Variants in SLC44A5 observed in about 807,000 individuals in gnomAD.
SLC44A5 encodes choline transporter-like protein 5.
In SLC44A5, 57 loss-of-function variants were observed where a neutral mutation model predicts 101.8. The ratio of observed to expected loss-of-function variants is 0.56; its 90% CI spans 0.45 to 0.70. SLC44A5 has a LOEUF of 0.70. SLC44A5 is among the 30% of genes least tolerant of loss of function. The pLI is 0.00. For missense variants in SLC44A5, 737 were observed against 853.1 expected, an observed-to-expected ratio of 0.86 and a Z score of 1.70; for synonymous variants, 281 against 290.9, an observed-to-expected ratio of 0.97 and a Z score of 0.35.
the SLC44A5 span, among the ~76,000 whole-genome samples, chr1:75,632,377 ACTT>A: frequency 6.9e-6 from 1 of 144,074 alleles, no homozygotes; most frequent in Non-Finnish European, 1.5e-5. Flanking sequence ...AGAAGGAGCT[ACTT>A]CTTTTTTTTT....
intron 5 of SLC44A5, among the ~76,000 whole-genome samples, chr1:75,296,786 C>T (rs1188517527): frequency 6.6e-6 from 1 of 152,102 alleles, no homozygotes; most frequent in African/African-American, 2.4e-5. Flanking sequence ...AGCCAGGATC[C>T]CACTTCCAGG....
intron 2 of SLC44A5, among the ~76,000 whole-genome samples, chr1:75,455,353 C>A (rs909349701): frequency 1.3e-5 from 2 of 152,076 alleles, no homozygotes; most frequent in Admixed American, 6.5e-5. Context: ...TCACCATAGA[C>A]AAAATTTAAC....
chr1:75,430,527 A>G (rs1307983273), intron 2 of SLC44A5, among the ~76,000 whole-genome samples: 1 of 152,200 alleles, frequency 6.6e-6, no homozygotes, highest in Non-Finnish European at 1.5e-5. Flanking sequence ...CTTACTGATC[A>G]CTGTTAGTGG....
chr1:75,565,979 TAAAAAAG>T (rs2102021611), intron 1 of SLC44A5, among the ~76,000 whole-genome samples: 1 of 152,230 alleles, frequency 6.6e-6, no homozygotes, highest in African/African-American at 2.4e-5. Context: ...ATTCAAATGT[TAAAAAAG>T]AAAAAGGAAA....
chr1:75,565,012 A>G (rs1179933525), intron 1 of SLC44A5, among the ~76,000 whole-genome samples: 1 of 152,178 alleles, frequency 6.6e-6, no homozygotes, highest in African/African-American at 2.4e-5. Flanking sequence ...TAGAATTTTA[A>G]TATCTGCAAA....
At chr1:75,305,420 G>A (rs191531712) in intron 4 of SLC44A5, among the ~76,000 whole-genome samples, 1 of 152,310 alleles carries the variant, frequency 6.6e-6, no homozygotes. Flanking sequence ...ACTGATATGT[G>A]ATGAGTCAGT....
chr1:75,272,515 T>C (rs1309564187), intron 6 of SLC44A5, among the ~76,000 whole-genome samples: 2 of 152,142 alleles, frequency 1.3e-5, no homozygotes, highest in Admixed American at 1.3e-4. Context: ...AGAAGTTTTA[T>C]GGTTTCAGGT....
intron 2 of SLC44A5, among the ~76,000 whole-genome samples, chr1:75,423,227 G>A (rs1475017647): frequency 6.6e-6 from 1 of 152,110 alleles, no homozygotes; most frequent in Non-Finnish European, 1.5e-5. Context: ...TACATACACC[G>A]TGAAACAACG....
the SLC44A5 span, among the ~76,000 whole-genome samples, chr1:75,665,686 G>A: frequency 2.0e-3 from 311 of 152,108 alleles, no homozygotes; most frequent in Non-Finnish European, 3.6e-3. Context: ...TAAAATATTC[G>A]CAAACTATAC....
intron 6 of SLC44A5, among the ~76,000 whole-genome samples, chr1:75,270,743 A>G (rs1484354573): frequency 1.3e-5 from 2 of 152,096 alleles, no homozygotes; most frequent in African/African-American, 2.4e-5. Flanking sequence ...TATCATTCAC[A>G]TATTGTTGAG....
intron 2 of SLC44A5, among the ~76,000 whole-genome samples, chr1:75,511,097 C>T (rs1159779276): frequency 6.6e-6 from 1 of 151,914 alleles, no homozygotes; most frequent in Non-Finnish European, 1.5e-5. Flanking sequence ...GAGCTGAGAT[C>T]GCGCAACTGC....
At chr1:75,620,563 C>T in the SLC44A5 span, among the ~76,000 whole-genome samples, 10 of 152,186 alleles carry the variant, frequency 6.6e-5, no homozygotes, top group Non-Finnish European at 2.9e-5. Flanking sequence ...TTTTGATTTG[C>T]ATTTGTCTAA....
chr1:75,615,833 G>C (rs1032571913), upstream of SLC44A5: 5 of 985,428 alleles, frequency 5.1e-6, no homozygotes, highest in Non-Finnish European at 6.0e-6. Flanking sequence ...GCGGCGAGGG[G>C]AGGAGGGAGC....
At chr1:75,684,763 A>G in the SLC44A5 span, among the ~76,000 whole-genome samples, 1 of 152,164 alleles carries the variant, frequency 6.6e-6, no homozygotes, top group African/African-American at 2.4e-5. Context: ...GCTGGTGTTG[A>G]GTGTCTGCAG....
chr1:75,280,973 G>A lies in SLC44A5; in HGVS notation c.176-5931C>T, dbSNP rs560918731. Among the ~76,000 whole-genome samples the A allele has an allele frequency of 5.5e-4, 83 of 152,172 alleles. No homozygotes were observed. In the South Asian group the frequency reaches 0.016, roughly 29 times the overall value. On this transcript the variant is annotated intron_variant, in intron 5 of 23. Transcript: ENST00000370859. ...TAAATTGGTACAGGAATGGGGTGCTGCTATAAAGACACCCAAAAATGTGGA... is the reference window on the plus strand; with the variant it reads ...TAAATTGGTACAGGAATGGGGTGCTACTATAAAGACACCCAAAAATGTGGA...
At position 75,461,025 on chromosome 1, in the gene SLC44A5, G is replaced by GA. The variant is rs372014990; in HGVS notation, c.14-64405dup. Among the ~76,000 whole-genome samples the GA allele has an allele frequency of 8.5e-3, 1,230 of 145,112 alleles. 25 individuals carry two copies. The highest frequency in any genetic ancestry group is 0.029 in the African/African-American group (1,132 of 39,674). On this transcript the variant is annotated intron_variant, in intron 2 of 23. Transcript: ENST00000370859. ...ATATCACCATAATATTAATGATAGT[G>GA]AAAAAAAAAATGGAAGCAACCCAAT...
At chr1:75,685,126 C>A in the SLC44A5 span, among the ~76,000 whole-genome samples, 2 of 152,184 alleles carry the variant, frequency 1.3e-5, no homozygotes, top group Non-Finnish European at 2.9e-5. Flanking sequence ...CTAAGCTGTA[C>A]CTTGGCCCCT....
intron 3 of SLC44A5, among the ~76,000 whole-genome samples, chr1:75,376,025 G>A (rs1660567279): frequency 6.6e-6 from 1 of 152,240 alleles, no homozygotes; most frequent in Non-Finnish European, 1.5e-5. Flanking sequence ...CCTCACTTGG[G>A]AAGTGCAAGG....
At chr1:75,444,475 GA>G (rs1256615324) in intron 2 of SLC44A5, among the ~76,000 whole-genome samples, 1 of 118,578 alleles carries the variant, frequency 8.4e-6, no homozygotes, top group African/African-American at 3.0e-5. Context: ...AAAAGAAAGA[GA>G]AAGAAAGAAG....
Sources: allele counts gnomAD v4.1 joint callset (sites outside exome capture counted in the v4.1 genomes callset), GRCh38; gene constraint gnomAD v4.1.1; transcripts MANE v1.5; gene names NCBI Gene and HGNC (gene_info 2026-07-23, HGNC 2026-07-21).